The following FOXO1 variants were observed in gnomAD, a reference collection of about 807,000 sequenced individuals.
FOXO1 encodes forkhead box O1.
A neutral mutation model predicts 44.1 loss-of-function variants in FOXO1; 6 were observed. That is an observed-to-expected ratio of 0.14 (90% CI 0.07 to 0.27). FOXO1 has a LOEUF of 0.27. Ranked by LOEUF, FOXO1 falls within the 10% of genes least tolerant of loss-of-function variation. The pLI is 1.00. For synonymous variants in FOXO1, 380 were observed against 362.7 expected (o/e 1.05, Z -0.54); for missense variants, 737 against 888.8 (o/e 0.83, Z 2.17).
At chr13:40,659,099 G>A (rs1207597347) in intron 1 of FOXO1, among the ~76,000 whole-genome samples, 4 of 152,038 alleles carry the variant, frequency 2.6e-5, no homozygotes, top group South Asian at 2.1e-4. Context: ...GGCAGATCAC[G>A]AGGTTAGGAG....
chr13:40,648,120 T>C (rs1011869045), intron 1 of FOXO1, among the ~76,000 whole-genome samples: 1 of 152,222 alleles, frequency 6.6e-6, no homozygotes. Context: ...AATTTAATTA[T>C]TGGCTCAGTC....
intron 1 of FOXO1, among the ~76,000 whole-genome samples, chr13:40,608,534 C>T (rs527608013): frequency 2.0e-5 from 3 of 152,322 alleles, no homozygotes; most frequent in Non-Finnish European, 2.9e-5. Flanking sequence ...CTAACTGATA[C>T]AATGTGTTAT....
At chr13:40,609,717 A>G (rs1024231635) in intron 1 of FOXO1, among the ~76,000 whole-genome samples, 3 of 151,422 alleles carry the variant, frequency 2.0e-5, no homozygotes. Context: ...GTGGGGGGGA[A>G]AAAAATTCCT....
At chr13:40,573,054 C>G (rs1400656649) in intron 1 of FOXO1, among the ~76,000 whole-genome samples, 1 of 152,202 alleles carries the variant, frequency 6.6e-6, no homozygotes, top group African/African-American at 2.4e-5. Flanking sequence ...TGTGCCCACA[C>G]TAAAGCCACA....
chr13:40,620,644 G>T, intron 1 of FOXO1: 1 of 414,122 alleles, frequency 2.4e-6, no homozygotes, highest in South Asian at 3.9e-5. Context: ...CCAGCACAGG[G>T]AACGGGACAG....
chr13:40,609,899 T>C (rs974483623), intron 1 of FOXO1, among the ~76,000 whole-genome samples: 10 of 152,116 alleles, frequency 6.6e-5, no homozygotes, highest in Non-Finnish European at 1.2e-4. Flanking sequence ...TTGACACCAA[T>C]AGAAATCGGA....
rs1005190964 is a variant in FOXO1 at position 40,560,151 on chromosome 13, G to A, written c.1340C>T (p.Ser447Leu). 4.0e-5 allele frequency: 65 copies of A among 1,613,998 alleles called. No individual in the cohort carries two copies. Among genetic ancestry groups the A allele is most frequent in the Non-Finnish European group, 5.4e-5 (64 of 1,180,034 alleles). ...ATACTGACTCATACCTCCATAACTCGACTTATTGTCCTGAAGTGTTTGTAT... is the reference window on the plus strand; with the variant it reads ...ATACTGACTCATACCTCCATAACTCAACTTATTGTCCTGAAGTGTTTGTAT... ...MPIQTLQDNKSSYGGMSQYNC... is the reference protein window; with the variant it reads ...MPIQTLQDNKLSYGGMSQYNC... The change falls in exon 2 of 3, where the codon TCG becomes TTG. Residue 447 changes from serine to leucine, a missense_variant. Physicochemically the swap from Ser to Leu is moderately radical, Grantham distance 145. Transcript: ENST00000379561. The surrounding 1 kb of genome is among the most constrained non-coding windows in gnomAD (Gnocchi z 5.1).
At chr13:40,618,795 C>T in intron 1 of FOXO1, 1 of 520,236 alleles carries the variant, frequency 1.9e-6, no homozygotes, top group Non-Finnish European at 3.9e-6. Flanking sequence ...ATCTCAAGAC[C>T]GTAATCATTT....
Position 40,556,385 on chromosome 13 carries a change from A to G in FOXO1, c.*2664T>C, listed in dbSNP as rs1873751232. 6.6e-6 allele frequency: 1 copy of G among 152,666 alleles called. No individual in the cohort carries two copies. The highest frequency in any genetic ancestry group is 2.4e-5 in the African/African-American group (1 of 41,462). The allele number at this position is 152,666 out of a possible 1,614,324, so 9.5% of individuals were successfully genotyped here. ...TTCCATACGTCTATATTACGGAAAC[A>G]ATACATCTTTATATTTAAAATATCT... On this transcript the variant is annotated 3_prime_UTR_variant, in exon 3 of 3. Coordinates refer to ENST00000379561, the MANE Select transcript of FOXO1 (RefSeq NM_002015.4).
intron 1 of FOXO1, among the ~76,000 whole-genome samples, chr13:40,566,402 A>T (rs1874271147): frequency 6.6e-6 from 1 of 150,688 alleles, no homozygotes; most frequent in African/African-American, 2.4e-5. Flanking sequence ...TTTTAAAGAC[A>T]GAGTCTCACT....
At chr13:40,621,170 T>C in intron 1 of FOXO1, 1 of 531,092 alleles carries the variant, frequency 1.9e-6, no homozygotes, top group African/African-American at 2.0e-5. Context: ...GTATTGATAG[T>C]GAACCAGGTA....
At chr13:40,655,484 G>A (rs188590461) in intron 1 of FOXO1, among the ~76,000 whole-genome samples, 85 of 151,946 alleles carry the variant, frequency 5.6e-4, no homozygotes, top group Non-Finnish European at 1.0e-3. Flanking sequence ...TTTTCTCCAC[G>A]TGGAAGGTAA....
Position 40,560,086 on chromosome 13 carries a change from C to G in FOXO1, c.1405G>C (p.Asp469His). Residue 469 changes from aspartate to histidine, a missense_variant, in exon 2 of 3, where the codon GAC (aspartate) becomes CAC (histidine). This residue lies in a region of FOXO1 where 283 missense variants were observed against 278.1 expected (regional missense o/e 1.02). Transcript: ENST00000379561. The surrounding 1 kb of genome is among the most constrained non-coding windows in gnomAD (Gnocchi z 5.1). The part of the protein sequence containing the change: ...PGLLKELLTS[D>H]SPPHNDIMTP... ...ATAATGTCATTATGGGGAGGAGAGT[C>G]AGAAGTCAGCAACTCCTTCAAGAGT... 6.2e-7 allele frequency: 1 copy of G among 1,614,074 alleles called. No homozygotes were observed. Among genetic ancestry groups the G allele is most frequent in the Non-Finnish European group, 8.5e-7 (1 of 1,180,014 alleles).
intron 1 of FOXO1, among the ~76,000 whole-genome samples, chr13:40,575,394 A>G (rs544120098): frequency 6.6e-6 from 1 of 152,334 alleles, no homozygotes; most frequent in Admixed American, 6.5e-5. Context: ...ATCCTGCCCA[A>G]GTCAGTGTTA....
intron 1 of FOXO1, among the ~76,000 whole-genome samples, chr13:40,596,227 G>A (rs1033621970): frequency 2.2e-4 from 34 of 152,240 alleles, no homozygotes; most frequent in East Asian, 1.4e-3. Flanking sequence ...ACTTGCTCCC[G>A]AATGGGATGA....
rs1878246506 is a variant in FOXO1 at position 40,666,209 on chromosome 13, C to T, written c.4G>A (p.Ala2Thr). The T allele has an allele frequency of 1.4e-6, 2 of 1,425,394 alleles. No homozygotes were observed. Among genetic ancestry groups the T allele is most frequent in the Non-Finnish European group, 1.8e-6 (2 of 1,090,442 alleles). The allele number at this position is 1,425,394 out of a possible 1,614,324, so 88.3% of individuals were successfully genotyped here. A position where few individuals can be genotyped will look rare whatever the true frequency, so the allele number is the denominator to read the frequency against. M[A>T]EAPQVVEIDP... ...ATCTCCACCACCTGAGGCGCCTCGG[C>T]CATGGTGACCCCCGCCCCTCCCCCA... Residue 2 changes from alanine (A) to threonine (T), a missense_variant, in exon 1 of 3, where the codon GCC (alanine) becomes ACC (threonine). Physicochemically the swap from Ala to Thr is moderately conservative, Grantham distance 58. This residue lies in a region of FOXO1 where 213 missense variants were observed against 236.4 expected (regional missense o/e 0.90). Coordinates refer to ENST00000379561, the MANE Select transcript of FOXO1 (RefSeq NM_002015.4).
intron 1 of FOXO1, among the ~76,000 whole-genome samples, chr13:40,600,974 C>T (rs978158202): frequency 2.6e-5 from 4 of 152,110 alleles, no homozygotes; most frequent in Non-Finnish European, 5.9e-5. Flanking sequence ...AAACATAAAA[C>T]CTGAGATCAG....
chr13:40,649,555 T>C (rs1877612754), intron 1 of FOXO1, among the ~76,000 whole-genome samples: 1 of 152,162 alleles, frequency 6.6e-6, no homozygotes, highest in African/African-American at 2.4e-5. Context: ...CCTATTTTCA[T>C]CGCAAAGGAA....
In FOXO1 at chr13:40,666,205, T is replaced by C; in HGVS notation, c.8A>G (p.Glu3Gly). The change falls in exon 1 of 3, where the codon GAG becomes GGG. Residue 3 changes from glutamate to glycine, a missense_variant. Physicochemically the swap from Glu to Gly is moderately conservative, Grantham distance 98. This residue lies in a region of FOXO1 where 213 missense variants were observed against 236.4 expected (regional missense o/e 0.90). Transcript: ENST00000379561. MA[E>G]APQVVEIDPD... ...GTCGATCTCCACCACCTGAGGCGCC[T>C]CGGCCATGGTGACCCCCGCCCCTCC... The C allele has an allele frequency of 2.1e-6, 3 of 1,432,404 alleles. No homozygotes were observed. The highest frequency in any genetic ancestry group is 1.8e-6 in the Non-Finnish European group (2 of 1,093,902). The allele number at this position is 1,432,404 out of a possible 1,614,324, so 88.7% of individuals were successfully genotyped here. A position where few individuals can be genotyped will look rare whatever the true frequency, so the allele number is the denominator to read the frequency against.
Sources: allele counts gnomAD v4.1 joint callset (sites outside exome capture counted in the v4.1 genomes callset), GRCh38; gene constraint gnomAD v4.1.1; regional missense constraint gnomAD v4.1.1; non-coding constraint Gnocchi (gnomAD v3.1); transcripts MANE v1.5; gene names NCBI Gene and HGNC (gene_info 2026-07-23, HGNC 2026-07-21).